PPFIA2: variants seen among roughly 807,000 people sequenced by gnomAD.
PPFIA2 encodes liprin-alpha-2.
A neutral mutation model predicts 175.5 loss-of-function variants in PPFIA2; 46 were observed. That is an observed-to-expected ratio of 0.26 (90% CI 0.21 to 0.34). The LOEUF is 0.34. Among genes scored for constraint, PPFIA2 ranks in the 10% least tolerant of loss-of-function variants. The pLI is 1.00. For synonymous variants in PPFIA2, 568 were observed against 511.4 expected (o/e 1.11, Z -1.49); for missense variants, 1,179 against 1,506.1 (o/e 0.78, Z 3.60).
In PPFIA2 at chr12:81,628,309, T is replaced by C. The variant is rs1395407035; in HGVS notation, c.303+48482A>G. ...TGATCCCAAGCTACCTATTTAAGCT[T>C]TCCTTATTTGTAAAAGAAGTTTGAG... On this transcript the variant is annotated intron_variant, in intron 4 of 32. Coordinates refer to ENST00000549396, the MANE Select transcript of PPFIA2 (RefSeq NM_003625.5). 4.6e-5 allele frequency among the ~76,000 whole-genome samples: 7 copies of C among 151,966 alleles called. No individual in the cohort carries two copies. In the East Asian group the frequency reaches 1.2e-3, roughly 25 times the overall value.
At chr12:81,390,294 C>A (rs1196276462) in intron 8 of PPFIA2, among the ~76,000 whole-genome samples, 3 of 151,912 alleles carry the variant, frequency 2.0e-5, no homozygotes, top group Non-Finnish European at 2.9e-5. Context: ...TCTCTTGGAT[C>A]GATTCCTAGA....
chr12:81,264,573 C>A (rs1331644783), intron 30 of PPFIA2, among the ~76,000 whole-genome samples: 1 of 152,136 alleles, frequency 6.6e-6, no homozygotes, highest in Non-Finnish European at 1.5e-5. Context: ...ATTCACTCAA[C>A]ATAGTAATTT....
At chr12:81,629,619 G>T (rs764312622) in intron 4 of PPFIA2, among the ~76,000 whole-genome samples, 1 of 152,124 alleles carries the variant, frequency 6.6e-6, no homozygotes, top group African/African-American at 2.4e-5. Context: ...AGGATGAAAC[G>T]CTTAGGAGTA....
chr12:81,380,962 C>CTGTGTGTGTG (rs71098139), intron 9 of PPFIA2, among the ~76,000 whole-genome samples: 2 of 137,502 alleles, frequency 1.5e-5, no homozygotes, highest in Admixed American at 1.5e-4. Context: ...TTTCACAGTG[C>CTGTGTGTGTG]TGTGTGTGTG....
At position 81,529,559 on chromosome 12, in the gene PPFIA2, AAGAGAGAGAG is replaced by A. The variant is rs60373881; in HGVS notation, c.304-71703_304-71694del. On this transcript the variant is annotated intron_variant, in intron 4 of 32. Coordinates refer to ENST00000549396, the MANE Select transcript of PPFIA2 (RefSeq NM_003625.5). ...CAAAGAGTGGCGGGGGGGCAGTGGA[AAGAGAGAGAG>A]AGAGAGAGAGAGAGATTCATATACC... 4.1e-5 allele frequency among the ~76,000 whole-genome samples: 6 copies of A among 145,778 alleles called. No individual in the cohort carries two copies. The East Asian group carries it at 8.2e-4, about 20-fold the overall frequency.
chr12:81,263,914 T>C (rs1259103858), intron 30 of PPFIA2, among the ~76,000 whole-genome samples: 1 of 152,186 alleles, frequency 6.6e-6, no homozygotes, highest in Non-Finnish European at 1.5e-5. Context: ...TACAAGAAAC[T>C]CTAAATATGT....
chr12:81,569,186 A>C (rs117219999), intron 4 of PPFIA2, among the ~76,000 whole-genome samples: 14,362 of 152,198 alleles, frequency 0.094, 942 homozygotes, highest in Middle Eastern at 0.13. Context: ...CTATGTGTTC[A>C]TATTTCATTG....
At chr12:81,514,513 T>C (rs1230667336) in intron 4 of PPFIA2, among the ~76,000 whole-genome samples, 1 of 151,886 alleles carries the variant, frequency 6.6e-6, no homozygotes, top group East Asian at 1.9e-4. Context: ...TTTTTTAAAA[T>C]TAGGATTTTC....
chr12:81,556,153 T>C (rs918443865), intron 4 of PPFIA2, among the ~76,000 whole-genome samples: 26 of 152,004 alleles, frequency 1.7e-4, no homozygotes, highest in African/African-American at 5.3e-4. Context: ...TTATATTATA[T>C]ATTCCAACTT....
chr12:81,390,747 T>C (rs2039962315), intron 8 of PPFIA2, among the ~76,000 whole-genome samples: 1 of 151,922 alleles, frequency 6.6e-6, no homozygotes, highest in African/African-American at 2.4e-5. Flanking sequence ...CTTTCTTTCA[T>C]GATAGTATTC....
chr12:81,416,269 C>A (rs910152823), intron 7 of PPFIA2, among the ~76,000 whole-genome samples: 4 of 151,552 alleles, frequency 2.6e-5, no homozygotes, highest in African/African-American at 9.7e-5. Context: ...AAAACACATT[C>A]TTAACCACTT....
intron 4 of PPFIA2, among the ~76,000 whole-genome samples, chr12:81,631,561 T>C (rs1297838471): frequency 6.6e-6 from 1 of 152,192 alleles, no homozygotes; most frequent in Non-Finnish European, 1.5e-5. Flanking sequence ...AAAAGGAAAG[T>C]TCAAAGTATA....
At chr12:81,634,398 G>A (rs2063751502) in intron 4 of PPFIA2, among the ~76,000 whole-genome samples, 1 of 151,918 alleles carries the variant, frequency 6.6e-6, no homozygotes, top group African/African-American at 2.4e-5. Flanking sequence ...GTTTCATTTT[G>A]TATTCTTTAA....
At chr12:81,604,549 C>G (rs1469356661) in intron 4 of PPFIA2, among the ~76,000 whole-genome samples, 1 of 151,440 alleles carries the variant, frequency 6.6e-6, no homozygotes, top group Non-Finnish European at 1.5e-5. Flanking sequence ...AAACTTCATT[C>G]TTAGTTTGAT....
chr12:81,405,554 TAA>T (rs1156351555), intron 8 of PPFIA2, among the ~76,000 whole-genome samples: 1 of 151,912 alleles, frequency 6.6e-6, no homozygotes, highest in Non-Finnish European at 1.5e-5. Context: ...TAAGAGCAGG[TAA>T]AAAATTTGAA....
At chr12:81,561,364 G>A (rs1180327121) in intron 4 of PPFIA2, among the ~76,000 whole-genome samples, 2 of 152,068 alleles carry the variant, frequency 1.3e-5, no homozygotes, top group Non-Finnish European at 2.9e-5. Context: ...AATATGATAG[G>A]CAACTATGAT....
At chr12:81,569,294 G>T (rs2072005066) in intron 4 of PPFIA2, among the ~76,000 whole-genome samples, 1 of 152,142 alleles carries the variant, frequency 6.6e-6, no homozygotes, top group East Asian at 1.9e-4. Flanking sequence ...TACCATATTG[G>T]TTCTGCTGTA....
At chr12:81,487,480 C>CTATTAT (rs199652863) in intron 4 of PPFIA2, among the ~76,000 whole-genome samples, 6 of 151,330 alleles carry the variant, frequency 4.0e-5, no homozygotes, top group South Asian at 4.2e-4. Context: ...CAATGAATTA[C>CTATTAT]TATTATTATT....
At chr12:81,523,621 A>T (rs2063409283) in intron 4 of PPFIA2, among the ~76,000 whole-genome samples, 1 of 152,096 alleles carries the variant, frequency 6.6e-6, no homozygotes, top group African/African-American at 2.4e-5. Flanking sequence ...CTCTAATAAA[A>T]TCTTCACTAA....
Sources: allele counts gnomAD v4.1 joint callset (sites outside exome capture counted in the v4.1 genomes callset), GRCh38; gene constraint gnomAD v4.1.1; transcripts MANE v1.5; gene names NCBI Gene and HGNC (gene_info 2026-07-23, HGNC 2026-07-21).